PROKR2: variants seen among roughly 807,000 people sequenced by gnomAD.
PROKR2 encodes G protein-coupled receptor 73-like 1.
In PROKR2, 26 loss-of-function variants were observed where a neutral mutation model predicts 23.4. That is an observed-to-expected ratio of 1.11 (90% CI 0.81 to 1.54). The LOEUF (loss-of-function observed/expected upper bound fraction) is 1.54. Among genes scored for constraint, PROKR2 ranks in the 40% most tolerant of loss-of-function variants. The pLI is 0.00. For synonymous variants in PROKR2, 212 were observed against 201.2 expected, an observed-to-expected ratio of 1.05 and a Z score of -0.45; for missense variants, 453 against 511.5, an observed-to-expected ratio of 0.89 and a Z score of 1.10.
At chr20:5,315,798 A>T (rs975626756) in intron 1 of PROKR2, 5 of 454,750 alleles carry the variant, frequency 1.1e-5, no homozygotes, top group Non-Finnish European at 1.3e-5. Flanking sequence ...GTCTCATGCG[A>T]CACCCCAATC....
In PROKR2 at chr20:5,302,325, G is replaced by A; in HGVS notation, c.870C>T (p.Pro290=). Residue 290 remains proline, a synonymous_variant, in exon 3 of 3, where the codon CCC becomes CCT. Coordinates refer to ENST00000678254, the MANE Select transcript of PROKR2 (RefSeq NM_144773.4). ...CACGAACGATGGTGAAACCGTAGAA[G>A]GGTGCCCAGCACAGCACATAGGCCG... ...ILTAYVLCWA[P]FYGFTIVRDF... 4 of 1,614,238 alleles carry A rather than the reference G, an allele frequency of 2.5e-6. No homozygotes were observed. Among genetic ancestry groups the A allele is most frequent in the Non-Finnish European group, 3.4e-6 (4 of 1,180,042 alleles).
chr20:5,309,269 C>A (rs970867042), intron 2 of PROKR2, among the ~76,000 whole-genome samples: 14 of 152,154 alleles, frequency 9.2e-5, no homozygotes, highest in Non-Finnish European at 1.9e-4. Context: ...TTGAAACAAC[C>A]CAAATGTATT....
chr20:5,304,966 G>C (rs1163704754), intron 2 of PROKR2, among the ~76,000 whole-genome samples: 2 of 152,186 alleles, frequency 1.3e-5, no homozygotes, highest in Non-Finnish European at 2.9e-5. Context: ...ACTGAGAGTG[G>C]ATAAAGGAAA....
At chr20:5,307,592 A>G (rs998461070) in intron 2 of PROKR2, among the ~76,000 whole-genome samples, 12 of 152,366 alleles carry the variant, frequency 7.9e-5, no homozygotes, top group South Asian at 2.1e-4. Context: ...CTATGGAATC[A>G]TTATTGATTG....
intron 2 of PROKR2, among the ~76,000 whole-genome samples, chr20:5,304,944 G>A (rs1979163425): frequency 6.6e-6 from 1 of 152,174 alleles, no homozygotes; most frequent in Non-Finnish European, 1.5e-5. Context: ...TGCTAGCACA[G>A]GCAGTGGCAG....
rs1978913037 is a variant in PROKR2, at chr20:5,299,486, T to C, written c.*2554A>G. ...AATACAATTATTATATTTATAGAAA[T>C]GTACATAACCTAAAATTGTTACTTG... On this transcript the variant is annotated 3_prime_UTR_variant, in exon 3 of 3. Transcript: ENST00000678254. 6.6e-6 allele frequency among the ~76,000 whole-genome samples: 1 copy of C among 151,378 alleles called. No homozygotes were observed. Among genetic ancestry groups the C allele is most frequent in the Admixed American group, 6.6e-5 (1 of 15,226 alleles).
Position 5,301,087 on chromosome 20 carries a change from G to A in PROKR2, c.*953C>T, listed in dbSNP as rs942847122. On this transcript the variant is annotated 3_prime_UTR_variant, in exon 3 of 3. Coordinates refer to ENST00000678254, the MANE Select transcript of PROKR2 (RefSeq NM_144773.4). ...AATGCCCTGGGAGGCAGTAGGAGGT[G>A]GGTGGGAAAGTTCAGTATGATGGCT... Among the ~76,000 whole-genome samples, 2 of 152,186 alleles carry A rather than the reference G, an allele frequency of 1.3e-5. No homozygotes were observed. Among genetic ancestry groups the A allele is most frequent in the Non-Finnish European group, 2.9e-5 (2 of 68,042 alleles).
intron 2 of PROKR2, among the ~76,000 whole-genome samples, chr20:5,307,153 A>T (rs1438772889): frequency 2.0e-5 from 3 of 152,156 alleles, no homozygotes; most frequent in Non-Finnish European, 2.9e-5. Flanking sequence ...CCCAACTGTC[A>T]CAAGCAACAC....
At position 5,300,725 on chromosome 20, in the gene PROKR2, T is replaced by C. The variant is rs546975095; in HGVS notation, c.*1315A>G. ...TGAACCCAGGTCTTTGGATTCTAGG[T>C]AGAGTTCCTTTTGTAAAAGAGGGAG... On this transcript the variant is annotated 3_prime_UTR_variant, in exon 3 of 3. Coordinates refer to ENST00000678254, the MANE Select transcript of PROKR2 (RefSeq NM_144773.4). Among the ~76,000 whole-genome samples the C allele has an allele frequency of 1.2e-3, 182 of 152,308 alleles. 1 individual carries two copies. Among genetic ancestry groups the C allele is most frequent in the African/African-American group, 3.4e-3 (143 of 41,572 alleles).
intron 2 of PROKR2, among the ~76,000 whole-genome samples, chr20:5,305,658 G>A (rs11699624): frequency 0.21 from 31,329 of 149,968 alleles, 3,532 homozygotes; most frequent in Admixed American, 0.25. Context: ...ACTGATAAAC[G>A]TCCTACCTGT....
intron 2 of PROKR2, among the ~76,000 whole-genome samples, chr20:5,306,406 G>C (rs1339973855): frequency 6.6e-6 from 1 of 152,200 alleles, no homozygotes; most frequent in Non-Finnish European, 1.5e-5. Context: ...ATTGGCCTTT[G>C]ATAGTCATAG....
At chr20:5,306,294 G>A (rs1039363346) in intron 2 of PROKR2, among the ~76,000 whole-genome samples, 1 of 152,174 alleles carries the variant, frequency 6.6e-6, no homozygotes, top group South Asian at 2.1e-4. Flanking sequence ...AAAAAATCAG[G>A]TAAATGGAGA....
chr20:5,311,050 A>G (rs1023557860), intron 2 of PROKR2, among the ~76,000 whole-genome samples: 1 of 152,236 alleles, frequency 6.6e-6, no homozygotes, highest in Non-Finnish European at 1.5e-5. Context: ...TTGAATTTCT[A>G]GATATTTTGT....
Position 5,316,281 on chromosome 20 carries a change from C to T in PROKR2, c.-9+213G>A, listed in dbSNP as rs1194072966. 1.8e-5 allele frequency: 8 copies of T among 456,584 alleles called. No homozygotes were observed. The highest frequency in any genetic ancestry group is 9.4e-5 in the Admixed American group (4 of 42,566). The allele number at this position is 456,584 out of a possible 1,614,324, so 28.3% of individuals were successfully genotyped here. On this transcript the variant is annotated intron_variant, in intron 1 of 2. Transcript: ENST00000678254. The surrounding 1 kb of genome is among the most constrained non-coding windows in gnomAD (Gnocchi z 5.0). ...CCGCGCCCGCACACCACAGACTCCG[C>T]TTACCGTACCCTACCCGGTCCTAGA... is the stretch of plus-strand genomic sequence containing the variant.
Position 5,299,271 on chromosome 20 carries a change from T to C in PROKR2, c.*2769A>G, listed in dbSNP as rs1174696066. ...GATAACAACATTACACTTTAATCAC[T>C]GGAAAATCACAAATACACACTGATA... is the stretch of plus-strand genomic sequence containing the variant. On this transcript the variant is annotated 3_prime_UTR_variant, in exon 3 of 3. Transcript: ENST00000678254. 6.6e-6 allele frequency among the ~76,000 whole-genome samples: 1 copy of C among 152,174 alleles called. No homozygotes were observed.
Position 5,302,509 on chromosome 20 carries a change from C to A in PROKR2, c.686G>T (p.Gly229Val), listed in dbSNP as rs771405878. The change falls in exon 3 of 3, where the codon GGT (glycine) becomes GTT (valine). Residue 229 changes from glycine to valine, a missense_variant. Gly to Val is a moderately radical substitution (Grantham distance 109). Coordinates refer to ENST00000678254, the MANE Select transcript of PROKR2 (RefSeq NM_144773.4). The stretch of plus-strand genomic sequence containing the variant: ...GACCACAGGGCCCACGAACTCGACA[C>A]CAAAGATGAAGAGGAAGTAGGACTT... ...YYKSYFLFIF[G>V]VEFVGPVVTM... The A allele has an allele frequency of 3.1e-6, 5 of 1,614,218 alleles. No homozygotes were observed. The South Asian group carries it at 3.3e-5, about 11-fold the overall frequency.
intron 2 of PROKR2, among the ~76,000 whole-genome samples, chr20:5,303,326 C>T (rs1244758719): frequency 6.6e-6 from 1 of 152,174 alleles, no homozygotes; most frequent in Admixed American, 6.5e-5. Flanking sequence ...TTTGCTTCCC[C>T]TCCCATGAGC....
intron 2 of PROKR2, among the ~76,000 whole-genome samples, chr20:5,307,283 C>T (rs145712667): frequency 0.013 from 2,034 of 152,228 alleles, 54 homozygotes; most frequent in African/African-American, 0.046. Context: ...GCTATGATAG[C>T]GGTGATCACC....
chr20:5,303,258 G>A (rs1436239736), intron 2 of PROKR2, among the ~76,000 whole-genome samples: 1 of 152,182 alleles, frequency 6.6e-6, no homozygotes, highest in Non-Finnish European at 1.5e-5. Flanking sequence ...TTAGGTGAAG[G>A]AAGGGCTTAT....
Sources: gnomAD v4.1 joint callset for allele counts (sites outside exome capture counted in the v4.1 genomes callset) on GRCh38, gnomAD v4.1.1 for gene constraint, Gnocchi (gnomAD v3.1) non-coding constraint, MANE v1.5 for transcripts, NCBI Gene and HGNC (gene_info 2026-07-23, HGNC 2026-07-21) for gene names.